Variants in ASPA observed in about 807,000 individuals in gnomAD.
The protein encoded by ASPA is ACY-2.
A neutral mutation model predicts 29.6 loss-of-function variants in ASPA; 25 were observed. That is an observed-to-expected ratio of 0.85 (90% CI 0.62 to 1.18). The LOEUF (loss-of-function observed/expected upper bound fraction) is 1.18. Among genes scored for constraint, ASPA ranks in the 50% most tolerant of loss-of-function variants. The pLI is 0.00. For missense variants in ASPA, 333 were observed against 385.7 expected (o/e 0.86, Z 1.14); for synonymous variants, 131 against 130.3 (o/e 1.01, Z -0.04).
chr17:3,479,043 AT>A (rs1567609897), intron 1 of ASPA, among the ~76,000 whole-genome samples: 1 of 152,082 alleles, frequency 6.6e-6, no homozygotes, highest in East Asian at 1.9e-4. Context: ...CCTGTCATCT[AT>A]TTTCCATCTG....
intron 5 of ASPA, among the ~76,000 whole-genome samples, chr17:3,497,333 A>G (rs909448884): frequency 6.6e-6 from 1 of 152,206 alleles, no homozygotes; most frequent in Middle Eastern, 3.2e-3. Flanking sequence ...CCTGTAAATC[A>G]TCTGGGGCCT....
chr17:3,493,560 CAAAAAAAAAAAAA>C lies in ASPA; in HGVS notation c.635-779_635-767del, dbSNP rs746229421. On this transcript the variant is annotated intron_variant, in intron 4 of 5. Transcript: ENST00000263080. ...TGGGTGAAAGAGCGAGGTTCCATCT[CAAAAAAAAAAAAA>C]AAAAAAAAAAGGAAAGAAAAAGAGC... Among the ~76,000 whole-genome samples the C allele has an allele frequency of 2.5e-3, 142 of 56,384 alleles. 1 individual carries two copies. The highest frequency in any genetic ancestry group is 8.2e-3 in the Admixed American group (30 of 3,660). 37.0% of individuals were successfully genotyped at this position (56,384 alleles called of 152,430 possible). A position where few individuals can be genotyped will look rare whatever the true frequency, so the allele number is the denominator to read the frequency against.
chr17:3,502,912 G>A lies in ASPA; in HGVS notation c.*3824G>A, dbSNP rs547581857. ...AGAGGTGGTGAAAGTCAACAACAGGGCACTGGACACACATAGAAATGTGAC... is the reference window on the plus strand; with the variant it reads ...AGAGGTGGTGAAAGTCAACAACAGGACACTGGACACACATAGAAATGTGAC... On this transcript the variant is annotated 3_prime_UTR_variant, in exon 6 of 6. Coordinates refer to ENST00000263080, the MANE Select transcript of ASPA (RefSeq NM_000049.4). The A allele has an allele frequency of 2.0e-5, 3 of 152,362 alleles. No homozygotes were observed. The highest frequency in any genetic ancestry group is 3.9e-4 in the East Asian group (2 of 5,184). 9.4% of individuals were successfully genotyped at this position (152,362 alleles called of 1,614,324 possible).
chr17:3,495,098 A>G (rs999248391), intron 5 of ASPA, among the ~76,000 whole-genome samples: 1 of 152,266 alleles, frequency 6.6e-6, no homozygotes, highest in East Asian at 1.9e-4. Flanking sequence ...GAAGGAAAAA[A>G]AAAAGGCTCT....
chr17:3,498,770 G>A (rs1280003204), intron 5 of ASPA, 121 bp from the exon 6 acceptor site: 12 of 1,005,922 alleles, frequency 1.2e-5, no homozygotes, highest in Admixed American at 3.4e-5. Context: ...TCAATGCCTC[G>A]CTCAAGTATC....
intron 5 of ASPA, among the ~76,000 whole-genome samples, 194 bp from the exon 6 acceptor site, chr17:3,498,697 T>G (rs899254879): frequency 6.6e-5 from 10 of 152,194 alleles, no homozygotes; most frequent in African/African-American, 2.4e-4. Context: ...AAAGGGGAAC[T>G]CTTAAAACTA....
rs143527575 is a variant in ASPA, at chr17:3,492,581, G to A, written c.635-1769G>A. On this transcript the variant is annotated intron_variant, in intron 4 of 5. Coordinates refer to ENST00000263080, the MANE Select transcript of ASPA (RefSeq NM_000049.4). Reference sequence around the variant, plus strand: ...GGCTTGCCCATGTGAATTGTTTTGTGCCATAGAAGAGGCTTGAAAAGCACT... The same window carrying A: ...GGCTTGCCCATGTGAATTGTTTTGTACCATAGAAGAGGCTTGAAAAGCACT... Among the ~76,000 whole-genome samples the A allele has an allele frequency of 9.8e-3, 1,486 of 152,238 alleles. 13 individuals carry two copies. The highest frequency in any genetic ancestry group is 0.013 in the Non-Finnish European group (879 of 68,018).
chr17:3,495,529 A>C (rs2073893945), intron 5 of ASPA, among the ~76,000 whole-genome samples: 1 of 152,138 alleles, frequency 6.6e-6, no homozygotes, highest in Non-Finnish European at 1.5e-5. Context: ...AAACCTGAAG[A>C]AGCAGCCTTA....
rs772315191 is a variant in ASPA, at chr17:3,476,192, A to G, written c.33A>G (p.Ile11Met). Reference protein sequence around the residue: MTSCHIAEEHIQKVAIFGGTH... With the variant: MTSCHIAEEHMQKVAIFGGTH... ...CTTGTCACATTGCTGAAGAACATAT[A>G]CAAAAGGTTGCTATCTTTGGAGGAA... The change falls in exon 1 of 6, where the codon ATA (isoleucine) becomes ATG (methionine). Residue 11 changes from isoleucine (I) to methionine (M), a missense_variant. By Grantham distance (10) the Ile-to-Met change is conservative. Transcript: ENST00000263080. The G allele has an allele frequency of 1.4e-5, 23 of 1,613,956 alleles. No individual in the cohort carries two copies. Among genetic ancestry groups the G allele is most frequent in the Non-Finnish European group, 1.9e-5 (22 of 1,180,016 alleles).
chr17:3,491,786 A>C (rs533228524), intron 4 of ASPA, among the ~76,000 whole-genome samples: 1 of 152,266 alleles, frequency 6.6e-6, no homozygotes, highest in East Asian at 1.9e-4. Context: ...TACATTAGAA[A>C]GAAATTCAAC....
chr17:3,492,282 C>T (rs186995947), intron 4 of ASPA, among the ~76,000 whole-genome samples: 4 of 152,222 alleles, frequency 2.6e-5, no homozygotes, highest in Non-Finnish European at 5.9e-5. Flanking sequence ...CAGAACAATA[C>T]GGAGAATACT....
At chr17:3,489,406 C>A in intron 4 of ASPA, 64 bp downstream of exon 4, 1 of 1,356,554 alleles carries the variant, frequency 7.4e-7, no homozygotes, top group Non-Finnish European at 1.1e-6. Context: ...ACAATTGGAA[C>A]CTGGGTCAGA....
intron 1 of ASPA, among the ~76,000 whole-genome samples, chr17:3,480,473 G>A (rs868566305): frequency 2.6e-5 from 4 of 152,182 alleles, no homozygotes; most frequent in Non-Finnish European, 5.9e-5. Context: ...CAGTTCCTAC[G>A]TGGGGACCAC....
intron 1 of ASPA, among the ~76,000 whole-genome samples, chr17:3,477,751 G>A: frequency 6.6e-6 from 1 of 152,118 alleles, no homozygotes; most frequent in East Asian, 1.9e-4. Flanking sequence ...ACCGCGCTGG[G>A]CCGCTTTTTT....
At chr17:3,495,809 CA>C (rs1319663470) in intron 5 of ASPA, among the ~76,000 whole-genome samples, 1 of 152,184 alleles carries the variant, frequency 6.6e-6, no homozygotes, top group Admixed American at 6.5e-5. Flanking sequence ...CATCATGATC[CA>C]CCTGCCTCGG....
intron 4 of ASPA, among the ~76,000 whole-genome samples, chr17:3,493,301 G>A (rs1007260681): frequency 2.6e-5 from 4 of 152,146 alleles, no homozygotes; most frequent in African/African-American, 7.2e-5. Context: ...GGTGGCTCAC[G>A]CCTGTAATCC....
chr17:3,494,541 C>A, intron 5 of ASPA, 82 bp downstream of exon 5: 1 of 1,132,232 alleles, frequency 8.8e-7, no homozygotes, highest in Non-Finnish European at 1.3e-6. Context: ...TACAGCACTT[C>A]GCGTACATTC....
rs2073713998 is a variant in ASPA, at chr17:3,485,988, A to G, written c.526+2396A>G. The stretch of plus-strand genomic sequence containing the variant: ...GCTCTTGTTGCCAAGGCTGGAGTAC[A>G]GTGGCACAATCTCGGCTCACTGCAA... On this transcript the variant is annotated intron_variant, in intron 3 of 5. Transcript: ENST00000263080. The surrounding 1 kb of genome is among the most constrained non-coding windows in gnomAD (Gnocchi z 4.4). Among the ~76,000 whole-genome samples, 1 of 150,372 alleles carries G rather than the reference A, an allele frequency of 6.7e-6. No individual in the cohort carries two copies. Among genetic ancestry groups the G allele is most frequent in the South Asian group, 2.1e-4 (1 of 4,734 alleles).
chr17:3,500,236 G>C lies in ASPA; in HGVS notation c.*1148G>C, dbSNP rs984674089. 1 of 152,260 alleles carries C rather than the reference G, an allele frequency of 6.6e-6. No homozygotes were observed. The highest frequency in any genetic ancestry group is 1.5e-5 in the Non-Finnish European group (1 of 68,050). The allele number at this position is 152,260 out of a possible 1,614,324, so 9.4% of individuals were successfully genotyped here. On this transcript the variant is annotated 3_prime_UTR_variant, in exon 6 of 6. Coordinates refer to ENST00000263080, the MANE Select transcript of ASPA (RefSeq NM_000049.4). ...GTGGAAAGCGAACCAGCAAGTTGCT[G>C]ATGTGGAAGCTGTAGCAAGTTATCC...
Sources: allele counts gnomAD v4.1 joint callset (sites outside exome capture counted in the v4.1 genomes callset), GRCh38; gene constraint gnomAD v4.1.1; non-coding constraint Gnocchi (gnomAD v3.1); transcripts MANE v1.5; gene names NCBI Gene and HGNC (gene_info 2026-07-23, HGNC 2026-07-21).